The following GALNT13 variants were observed in gnomAD, a reference collection of about 807,000 sequenced individuals.
The protein encoded by GALNT13 is UDP-GalNAc:polypeptide N-acetylgalactosaminyltransferase 13.
A neutral mutation model predicts 64.2 loss-of-function variants in GALNT13; 28 were observed. The observed-to-expected ratio is 0.44, with a 90% CI of 0.32 to 0.60. The LOEUF (loss-of-function observed/expected upper bound fraction) is 0.60, where lower values mean the gene tolerates loss of function less well. Ranked by LOEUF, GALNT13 falls within the 20% of genes least tolerant of loss-of-function variation. The pLI is 0.05. For synonymous variants in GALNT13, 214 were observed against 224.6 expected (o/e 0.95, Z 0.42); for missense variants, 577 against 669.8 (o/e 0.86, Z 1.53).
At chr2:153,852,098 A>G in the GALNT13 span, among the ~76,000 whole-genome samples, 1 of 152,200 alleles carries the variant, frequency 6.6e-6, no homozygotes. Context: ...AACTACGGAA[A>G]TTGAAAGTAG....
chr2:153,348,132 G>A, the GALNT13 span, among the ~76,000 whole-genome samples: 1 of 152,210 alleles, frequency 6.6e-6, no homozygotes, highest in South Asian at 2.1e-4. Context: ...AGCTTACTTT[G>A]CTTTTATAAT....
chr2:154,396,243 A>T, intron 10 of GALNT13, 113 bp downstream of exon 10: 1 of 582,542 alleles, frequency 1.7e-6, no homozygotes, highest in Non-Finnish European at 2.7e-6. Flanking sequence ...TTTTAATTAG[A>T]TCTGTTTTAA....
chr2:153,671,145 G>T, the GALNT13 span, among the ~76,000 whole-genome samples: 1 of 152,108 alleles, frequency 6.6e-6, no homozygotes, highest in Non-Finnish European at 1.5e-5. Flanking sequence ...TTATCCAGGA[G>T]AATTTCCCCA....
the GALNT13 span, among the ~76,000 whole-genome samples, chr2:153,153,629 A>T: frequency 6.7e-6 from 1 of 150,098 alleles, no homozygotes. Context: ...TTATCCCAGC[A>T]GAATTTTTTG....
chr2:154,107,554 C>T (rs1702689780), intron 3 of GALNT13, among the ~76,000 whole-genome samples: 1 of 146,232 alleles, frequency 6.8e-6, no homozygotes, highest in African/African-American at 2.6e-5. Context: ...CATGGAACTG[C>T]ACTCCAGCTT....
chr2:153,538,326 C>CTTTTTTTTTTTTTTTTTATT, the GALNT13 span, among the ~76,000 whole-genome samples: 1 of 100,846 alleles, frequency 9.9e-6, no homozygotes, highest in Non-Finnish European at 2.2e-5. Context: ...TTTTTTAATT[C>CTTTTTTTTTTTTTTTTTATT]TTTTTTTTTT....
Position 154,211,629 on chromosome 2 carries a change from CAAAAAAAAAA to C in GALNT13, c.312-30384_312-30375del, listed in dbSNP as rs140095331. On this transcript the variant is annotated intron_variant, in intron 4 of 12. Transcript: ENST00000392825. ...GGCAACAAGAGCGAAACTCCATCTC[CAAAAAAAAAA>C]AAAAAAAAAAAAAAAAGAAAAGAAA... Among the ~76,000 whole-genome samples, 3 of 37,946 alleles carry C rather than the reference CAAAAAAAAAA, an allele frequency of 7.9e-5. No individual in the cohort carries two copies. The Admixed American group carries it at 1.4e-3, about 18-fold the overall frequency. The allele number at this position is 37,946 out of a possible 152,430, so 24.9% of individuals were successfully genotyped here.
the GALNT13 span, among the ~76,000 whole-genome samples, chr2:153,115,658 T>G: frequency 6.6e-6 from 1 of 152,192 alleles, no homozygotes; most frequent in Non-Finnish European, 1.5e-5. Context: ...TTCTGCTGTG[T>G]TTTTACTACC....
At chr2:153,590,478 A>ATTCT in the GALNT13 span, among the ~76,000 whole-genome samples, 75,477 of 151,714 alleles carry the variant, frequency 0.5, 20,155 homozygotes, top group African/African-American at 0.7. Flanking sequence ...TCTCTAATTC[A>ATTCT]ATGAGGCCAG....
At chr2:153,622,548 C>A in the GALNT13 span, among the ~76,000 whole-genome samples, 7 of 152,130 alleles carry the variant, frequency 4.6e-5, no homozygotes, top group Admixed American at 4.6e-4. Context: ...AAGGGCAAGG[C>A]ACTGTGATTA....
the GALNT13 span, among the ~76,000 whole-genome samples, chr2:153,521,798 C>T: frequency 0.01 from 1,554 of 152,178 alleles, 33 homozygotes; most frequent in African/African-American, 0.035. Flanking sequence ...TAGTATGTAG[C>T]CTTTTCAAAT....
chr2:153,639,910 G>A, the GALNT13 span, among the ~76,000 whole-genome samples: 6 of 152,108 alleles, frequency 3.9e-5, no homozygotes, highest in Non-Finnish European at 7.4e-5. Flanking sequence ...TCATGGTAAG[G>A]GATGACCTGG....
chr2:154,064,155 T>G (rs1700337628), intron 3 of GALNT13, among the ~76,000 whole-genome samples: 1 of 152,156 alleles, frequency 6.6e-6, no homozygotes, highest in African/African-American at 2.4e-5. Context: ...CTTGTAGAAC[T>G]TAGCCGACAC....
the GALNT13 span, among the ~76,000 whole-genome samples, chr2:153,131,355 G>A: frequency 0.083 from 12,682 of 152,196 alleles, 617 homozygotes; most frequent in Non-Finnish European, 0.11. Context: ...AGCTCAACAA[G>A]CATTTGGATT....
At chr2:153,957,215 G>A (rs1321676865) in intron 3 of GALNT13, among the ~76,000 whole-genome samples, 1 of 152,122 alleles carries the variant, frequency 6.6e-6, no homozygotes, top group East Asian at 1.9e-4. Context: ...TTACAAAATT[G>A]GGACCATCTA....
At chr2:154,278,967 A>C (rs986909291) in intron 8 of GALNT13, among the ~76,000 whole-genome samples, 1 of 152,140 alleles carries the variant, frequency 6.6e-6, no homozygotes, top group Non-Finnish European at 1.5e-5. Context: ...TAGATAGGTA[A>C]AATATCTAAA....
intron 2 of GALNT13, among the ~76,000 whole-genome samples, chr2:153,917,707 A>T (rs549933810): frequency 6.6e-6 from 1 of 152,262 alleles, no homozygotes; most frequent in African/African-American, 2.4e-5. Flanking sequence ...AAATAGAGCT[A>T]CCACACAGGC....
chr2:153,409,712 G>T, the GALNT13 span, among the ~76,000 whole-genome samples: 1 of 151,822 alleles, frequency 6.6e-6, no homozygotes, highest in Non-Finnish European at 1.5e-5. Flanking sequence ...GAAATAAAAA[G>T]AACTGCGTAG....
intron 4 of GALNT13, among the ~76,000 whole-genome samples, chr2:154,159,932 T>A (rs559402180): frequency 6.6e-6 from 1 of 152,316 alleles, no homozygotes; most frequent in East Asian, 1.9e-4. Context: ...ACCTTAAATC[T>A]TCCTCTTCAA....
Sources: gnomAD v4.1 joint callset for allele counts (sites outside exome capture counted in the v4.1 genomes callset) on GRCh38, gnomAD v4.1.1 for gene constraint, MANE v1.5 for transcripts, NCBI Gene and HGNC (gene_info 2026-07-23, HGNC 2026-07-21) for gene names.